Variants in ZYG11B observed in about 807,000 individuals in gnomAD.
ZYG11B encodes zyg-11 family member B, cell cycle regulator.
ZYG11B carries 36 observed loss-of-function variants against 82.4 expected under a neutral mutation model. That is an observed-to-expected ratio of 0.44 (90% CI 0.33 to 0.58). The LOEUF (loss-of-function observed/expected upper bound fraction) is 0.58, where lower values mean the gene tolerates loss of function less well. ZYG11B is among the 20% of genes least tolerant of loss of function. The probability of loss-of-function intolerance (pLI) is 0.02; values close to 1 mark genes in which losing one functional copy is unlikely to be tolerated. For synonymous variants in ZYG11B, 303 were observed against 312.8 expected (o/e 0.97, Z 0.33); for missense variants, 552 against 895.6 (o/e 0.62, Z 4.90).
chr1:52,730,005 G>T (rs748777327), intron 1 of ZYG11B, among the ~76,000 whole-genome samples: 1 of 151,956 alleles, frequency 6.6e-6, no homozygotes, highest in African/African-American at 2.4e-5. Flanking sequence ...ATGGGGTTTC[G>T]CCATGTTGCC....
At chr1:52,773,613 ATATATATATATATATTTTTTTTTTTTT>A (rs1450323637) in intron 3 of ZYG11B, among the ~76,000 whole-genome samples, 1 of 19,256 alleles carries the variant, frequency 5.2e-5, no homozygotes, top group Non-Finnish European at 1.2e-4. Flanking sequence ...ATATATATAT[ATATATATATATATATTTTTTTTTTTTT>A]TTTTTTTTTT....
intron 3 of ZYG11B, among the ~76,000 whole-genome samples, chr1:52,777,398 A>G (rs1488064311): frequency 6.6e-6 from 1 of 152,158 alleles, no homozygotes; most frequent in Non-Finnish European, 1.5e-5. Context: ...CAACCATGAT[A>G]CATCCCTTCA....
At position 52,785,135 on chromosome 1, in the gene ZYG11B, G is replaced by A; in HGVS notation, c.1269+82G>A. On this transcript the variant is annotated intron_variant, in intron 5 of 13. Transcript: ENST00000294353. ...CTACAGTTCAGTTTAATAGACCAAGGCTGGAAATTCAAATGCCTTTGGAGG... is the reference window on the plus strand; with the variant it reads ...CTACAGTTCAGTTTAATAGACCAAGACTGGAAATTCAAATGCCTTTGGAGG... The A allele has an allele frequency of 3.5e-6, 5 of 1,443,036 alleles. No homozygotes were observed. In the South Asian group the frequency reaches 5.5e-5, roughly 16 times the overall value. 89.4% of individuals were successfully genotyped at this position (1,443,036 alleles called of 1,614,324 possible).
intron 10 of ZYG11B, among the ~76,000 whole-genome samples, chr1:52,812,711 GGTTTGTTTGTTT>G (rs59906595): frequency 6.7e-5 from 10 of 149,802 alleles, no homozygotes; most frequent in East Asian, 2.0e-4. Flanking sequence ...GGCTGTTTTG[GGTTTGTTTGTTT>G]GTTTGTTTGT....
At chr1:52,809,154 A>G (rs936975451) in intron 10 of ZYG11B, among the ~76,000 whole-genome samples, 8 of 151,734 alleles carry the variant, frequency 5.3e-5, no homozygotes, top group Admixed American at 4.6e-4. Context: ...AAAATTTATT[A>G]TGTTTTAAAT....
At chr1:52,737,925 T>A (rs1395066696) in intron 1 of ZYG11B, among the ~76,000 whole-genome samples, 59 of 152,380 alleles carry the variant, frequency 3.9e-4, no homozygotes, top group Admixed American at 3.8e-3. Flanking sequence ...GTGAGAAATG[T>A]TAGATCAGAT....
At chr1:52,772,629 G>A in intron 3 of ZYG11B, 2 of 1,032,218 alleles carry the variant, frequency 1.9e-6, no homozygotes, top group South Asian at 2.5e-5. Context: ...GCCCTTCTCA[G>A]GAGCACGCAT....
intron 2 of ZYG11B, among the ~76,000 whole-genome samples, chr1:52,759,334 G>A (rs1644606922): frequency 6.6e-6 from 1 of 152,194 alleles, no homozygotes; most frequent in Admixed American, 6.5e-5. Context: ...CTTTGGAAAT[G>A]TAACTACTGC....
At chr1:52,770,043 A>AGG (rs1327876668) in intron 2 of ZYG11B, among the ~76,000 whole-genome samples, 1 of 105,812 alleles carries the variant, frequency 9.5e-6, no homozygotes, top group African/African-American at 3.5e-5. Flanking sequence ...CATCTGCAGG[A>AGG]GGGGGAGTGT....
intron 4 of ZYG11B, among the ~76,000 whole-genome samples, chr1:52,781,751 C>T (rs1644858425): frequency 6.6e-6 from 1 of 152,082 alleles, no homozygotes; most frequent in Admixed American, 6.6e-5. Context: ...GGTTCTGTGA[C>T]GTTAAGTAAT....
At chr1:52,820,243 A>C (rs2149969171) in intron 13 of ZYG11B, among the ~76,000 whole-genome samples, 1 of 151,782 alleles carries the variant, frequency 6.6e-6, no homozygotes, top group African/African-American at 2.4e-5. Flanking sequence ...AATGCACTGT[A>C]ATTTGGGGAA....
chr1:52,785,613 C>T (rs547673774), intron 5 of ZYG11B, among the ~76,000 whole-genome samples: 2 of 152,266 alleles, frequency 1.3e-5, no homozygotes, highest in South Asian at 4.2e-4. Context: ...CGCACCACCA[C>T]ACCCAACTAA....
intron 1 of ZYG11B, among the ~76,000 whole-genome samples, chr1:52,738,461 A>G (rs557394278): frequency 2.6e-5 from 4 of 151,772 alleles, no homozygotes; most frequent in Non-Finnish European, 5.9e-5. Context: ...GATTACAGGC[A>G]TGAGCCACTA....
At position 52,771,118 on chromosome 1, in the gene ZYG11B, C is replaced by T. The variant is rs374086420; in HGVS notation, c.295C>T (p.Arg99Trp). 19 of 1,614,022 alleles carry T rather than the reference C, an allele frequency of 1.2e-5. No homozygotes were observed. The highest frequency in any genetic ancestry group is 4.0e-5 in the African/African-American group (3 of 74,912). The change falls in exon 3 of 14, where the codon CGG becomes TGG. Residue 99 changes from arginine to tryptophan, a missense_variant. Arg to Trp is a moderately radical substitution (Grantham distance 101). Coordinates refer to ENST00000294353, the MANE Select transcript of ZYG11B (RefSeq NM_024646.3). The surrounding 1 kb of genome is among the most constrained non-coding windows in gnomAD (Gnocchi z 5.4). ...RKAKISAVAF[R>W]KAFCHHKLVE... ...AGCAAAGATCTCTGCTGTTGCTTTC[C>T]GGAAAGCTTTCTGCCACCACAAGTT...
intron 1 of ZYG11B, among the ~76,000 whole-genome samples, chr1:52,749,201 C>T (rs1644501482): frequency 6.6e-6 from 1 of 151,660 alleles, no homozygotes; most frequent in Non-Finnish European, 1.5e-5. Context: ...CAAACTATCT[C>T]CAAAAAAATA....
chr1:52,821,334 T>TAA, intron 13 of ZYG11B, 105 bp from the exon 14 acceptor site: 3 of 1,141,938 alleles, frequency 2.6e-6, no homozygotes, highest in South Asian at 3.5e-5. Context: ...ACAAAACAGC[T>TAA]AAAAAAAAAT....
intron 2 of ZYG11B, 113 bp from the exon 3 acceptor site, chr1:52,770,907 T>G: frequency 8.6e-7 from 1 of 1,160,560 alleles, no homozygotes; most frequent in Non-Finnish European, 1.2e-6. Flanking sequence ...GAATTGTGAT[T>G]ATCAGACGAG....
intron 10 of ZYG11B, among the ~76,000 whole-genome samples, chr1:52,802,468 A>G (rs886093097): frequency 1.3e-5 from 2 of 148,576 alleles, no homozygotes; most frequent in Non-Finnish European, 1.5e-5. Context: ...CCCCCAACTC[A>G]GTCTCCCTAG....
chr1:52,788,580 T>TAG (rs1644931989), intron 5 of ZYG11B, among the ~76,000 whole-genome samples: 1 of 152,140 alleles, frequency 6.6e-6, no homozygotes, highest in South Asian at 2.1e-4. Context: ...ATTTGAAAAT[T>TAG]AGAGGCTGTG....
Sources: gnomAD v4.1 joint callset for allele counts (sites outside exome capture counted in the v4.1 genomes callset) on GRCh38, gnomAD v4.1.1 for gene constraint, Gnocchi (gnomAD v3.1) non-coding constraint, MANE v1.5 for transcripts, NCBI Gene and HGNC (gene_info 2026-07-23, HGNC 2026-07-21) for gene names.